VPS37A: variants seen among roughly 807,000 people sequenced by gnomAD.
VPS37A encodes the protein VPS37A subunit of ESCRT-I.
A neutral mutation model predicts 49.8 loss-of-function variants in VPS37A; 30 were observed. The observed-to-expected ratio is 0.60, with a 90% CI of 0.45 to 0.82. VPS37A has a LOEUF of 0.82. Among genes scored for constraint, VPS37A ranks in the 40% least tolerant of loss-of-function variants. The pLI, the probability that VPS37A is intolerant of heterozygous loss-of-function variation, is 0.00. For synonymous variants in VPS37A, 195 were observed against 160.6 expected (o/e 1.21, Z -1.62); for missense variants, 593 against 464.4 (o/e 1.28, Z -2.55).
intron 1 of VPS37A, among the ~76,000 whole-genome samples, chr8:17,260,250 G>A (rs1245460219): frequency 6.6e-6 from 1 of 151,980 alleles, no homozygotes; most frequent in Non-Finnish European, 1.5e-5. Flanking sequence ...TGGTTTTCAT[G>A]AGGTTTACAA....
At chr8:17,321,205 C>A in the VPS37A span, among the ~76,000 whole-genome samples, 139 of 152,338 alleles carry the variant, frequency 9.1e-4, 1 homozygote, top group African/African-American at 3.1e-3. Flanking sequence ...AATAAAGACA[C>A]TGGGCTTGCC....
the VPS37A span, chr8:17,311,432 G>A: frequency 1.4e-4 from 228 of 1,579,562 alleles, 1 homozygote; most frequent in Non-Finnish European, 1.8e-4. Flanking sequence ...GAAAACAGCA[G>A]TTGCCAGTAG....
At chr8:17,250,164 A>T (rs918162321) in intron 1 of VPS37A, among the ~76,000 whole-genome samples, 2 of 152,134 alleles carry the variant, frequency 1.3e-5, no homozygotes, top group Admixed American at 6.5e-5. Flanking sequence ...TCTGGTTTCT[A>T]TGACTTCTTC....
intron 1 of VPS37A, among the ~76,000 whole-genome samples, chr8:17,258,596 GTTTTCTT>G (rs1812691300): frequency 1.3e-5 from 2 of 152,120 alleles, no homozygotes; most frequent in South Asian, 4.1e-4. Context: ...TTGGCCTGTA[GTTTTCTT>G]TTTTCTTGTT....
the VPS37A span, chr8:17,311,614 C>T: frequency 3.1e-6 from 5 of 1,614,038 alleles, no homozygotes; most frequent in African/African-American, 4.0e-5. Flanking sequence ...AACAAGCACA[C>T]TTGCCCCTTC....
At chr8:17,287,677 C>CA (rs529717738) in intron 11 of VPS37A, among the ~76,000 whole-genome samples, 4,807 of 137,094 alleles carry the variant, frequency 0.035, 104 homozygotes, top group Non-Finnish European at 0.05. Flanking sequence ...GACTCTGTCT[C>CA]AAAAAAAAAA....
At chr8:17,255,736 C>G (rs1385958088) in intron 1 of VPS37A, among the ~76,000 whole-genome samples, 1 of 152,130 alleles carries the variant, frequency 6.6e-6, no homozygotes, top group Non-Finnish European at 1.5e-5. Flanking sequence ...CTGGAACCAT[C>G]ACGCTACTTT....
intron 6 of VPS37A, among the ~76,000 whole-genome samples, chr8:17,278,428 A>G (rs1244963482): frequency 3.3e-5 from 5 of 152,112 alleles, no homozygotes; most frequent in Admixed American, 2.0e-4. Flanking sequence ...ATACAGGACC[A>G]AGAAAAATGC....
At chr8:17,329,210 T>C in the VPS37A span, among the ~76,000 whole-genome samples, 25 of 152,298 alleles carry the variant, frequency 1.6e-4, no homozygotes, top group Admixed American at 2.6e-4. Context: ...GGATAGCTGT[T>C]TGAAGGAGGA....
Position 17,271,867 on chromosome 8 carries a change from G to C in VPS37A, c.417-2866G>C, listed in dbSNP as rs554290384. ...GGGTTTGAACTTTGCTTTTAGAGGT[G>C]TTTCTTAATTTGAGAATCTTAGGGA... On this transcript the variant is annotated intron_variant, in intron 4 of 11. Transcript: ENST00000324849. 6.5e-4 allele frequency: 268 copies of C among 411,458 alleles called. 1 individual carries two copies. In the Middle Eastern group the frequency reaches 0.012, roughly 18 times the overall value. The allele number at this position is 411,458 out of a possible 1,614,324, so 25.5% of individuals were successfully genotyped here. A position where few individuals can be genotyped will look rare whatever the true frequency, so the allele number is the denominator to read the frequency against.
downstream of VPS37A, among the ~76,000 whole-genome samples, chr8:17,305,204 T>C (rs907370551): frequency 3.9e-5 from 6 of 152,242 alleles, no homozygotes; most frequent in Non-Finnish European, 8.8e-5. Flanking sequence ...TAATGTTGTA[T>C]ACACCATAGT....
At chr8:17,277,470 A>G (rs1405214118) in intron 6 of VPS37A, among the ~76,000 whole-genome samples, 2 of 152,096 alleles carry the variant, frequency 1.3e-5, no homozygotes, top group Non-Finnish European at 1.5e-5. Context: ...TCATGTGGCA[A>G]CAACAGCTAT....
At chr8:17,307,375 G>C (rs1477017522), downstream of VPS37A, among the ~76,000 whole-genome samples, 3 of 152,170 alleles carry the variant, frequency 2.0e-5, no homozygotes, top group African/African-American at 7.2e-5. Context: ...TCATTAAAAA[G>C]TCAGGAAACA....
rs754985041 is a variant in VPS37A at position 17,280,429 on chromosome 8, C to G, written c.955C>G (p.His319Asp). Residue 319 changes from histidine to aspartate, a missense_variant, in exon 9 of 12, where the codon CAT (histidine) becomes GAT (aspartate). Physicochemically the swap from His to Asp is moderately conservative, Grantham distance 81 (BLOSUM62 -1). Transcript: ENST00000324849. ...STFEKKMQRQ[H>D]ELSESCSASA... ...TTTCGAAAAGAAGATGCAAAGGCAG[C>G]ATGAACTTAGTGAGGTAAGACTGTT... The G allele has an allele frequency of 2.5e-6, 4 of 1,608,140 alleles. No individual in the cohort carries two copies. In the South Asian group the frequency reaches 4.5e-5, roughly 18 times the overall value.
chr8:17,287,660 A>C lies in VPS37A; in HGVS notation c.*1233A>C, dbSNP rs111576925. Among the ~76,000 whole-genome samples, 704 of 152,158 alleles carry C rather than the reference A, an allele frequency of 4.6e-3. 5 individuals carry two copies. Among genetic ancestry groups the C allele is most frequent in the African/African-American group, 0.016 (671 of 41,498 alleles). ...GCCACTGCACTCCAACCTGGGTGAC[A>C]GAGCAAGACTCTGTCTCAAAAAAAA... On this transcript the variant is annotated intron_variant, in intron 11 of 11. Coordinates refer to ENST00000324849, the MANE Select transcript of VPS37A (RefSeq NM_152415.3).
intron 1 of VPS37A, chr8:17,248,261 CTTTTT>C (rs77478205): frequency 3.0e-3 from 1,181 of 388,002 alleles, no homozygotes; most frequent in Admixed American, 4.4e-3. Context: ...TCCCTAACCC[CTTTTT>C]TTTTTTTTTT....
chr8:17,248,084 C>T (rs950648584), intron 1 of VPS37A: 3 of 383,756 alleles, frequency 7.8e-6, no homozygotes, highest in Non-Finnish European at 1.5e-5. Flanking sequence ...CATATTATTT[C>T]AACTTTTACT....
intron 4 of VPS37A, among the ~76,000 whole-genome samples, chr8:17,274,206 C>A (rs907919320): frequency 8.5e-5 from 13 of 152,158 alleles, no homozygotes; most frequent in African/African-American, 3.1e-4. Context: ...AATATACATG[C>A]GTGTTTATAT....
the VPS37A span, among the ~76,000 whole-genome samples, chr8:17,321,848 T>C: frequency 1.3e-5 from 2 of 152,156 alleles, no homozygotes; most frequent in East Asian, 3.8e-4. Flanking sequence ...CAAACATATA[T>C]AAACTACAGT....
Sources: allele counts gnomAD v4.1 joint callset (sites outside exome capture counted in the v4.1 genomes callset), GRCh38; gene constraint gnomAD v4.1.1; transcripts MANE v1.5; gene names NCBI Gene and HGNC (gene_info 2026-07-23, HGNC 2026-07-21).